RIPK1: variants seen among roughly 807,000 people sequenced by gnomAD.
RIPK1 encodes the protein receptor interacting serine/threonine kinase 1, also known as receptor-interacting serine/threonine-protein kinase 1.
Under a neutral mutation model 62.4 loss-of-function variants are expected in RIPK1, and 27 were observed. That is an observed-to-expected ratio of 0.43 (90% CI 0.32 to 0.60). RIPK1 has a LOEUF of 0.60. Ranked by LOEUF, RIPK1 falls within the 20% of genes least tolerant of loss-of-function variation. The pLI is 0.07. For synonymous variants in RIPK1, 287 were observed against 303.2 expected (o/e 0.95, Z 0.55); for missense variants, 735 against 831.0 (o/e 0.88, Z 1.42).
At chr6:3,099,499 G>C (rs963969401) in intron 7 of RIPK1, among the ~76,000 whole-genome samples, 1 of 152,158 alleles carries the variant, frequency 6.6e-6, no homozygotes, top group African/African-American at 2.4e-5. Flanking sequence ...AGCCGAGATG[G>C]AGCCACTGCA....
Position 3,072,368 on chromosome 6 carries a change from T to C in RIPK1, c.-61+3707T>C, listed in dbSNP as rs959221377. Among the ~76,000 whole-genome samples, 4 of 143,122 alleles carry C rather than the reference T, an allele frequency of 2.8e-5. No individual in the cohort carries two copies. Among genetic ancestry groups the C allele is most frequent in the African/African-American group, 8.0e-5 (3 of 37,706 alleles). The allele number at this position is 143,122 out of a possible 152,430, so 93.9% of individuals were successfully genotyped here. On this transcript the variant is annotated intron_variant, in intron 1 of 10. Coordinates refer to ENST00000259808, the MANE Select transcript of RIPK1 (RefSeq NM_001354930.2). The surrounding 1 kb of genome is among the most constrained non-coding windows in gnomAD (Gnocchi z 5.6). ...GGTGTCTTTATGTCTTTTTTATCTG[T>C]ACTTATATCTTTATCTATTTACATA...
At chr6:3,106,358 G>C (rs1030790501) in intron 9 of RIPK1, among the ~76,000 whole-genome samples, 2 of 152,218 alleles carry the variant, frequency 1.3e-5, no homozygotes, top group Non-Finnish European at 2.9e-5. Flanking sequence ...TGATAAATGG[G>C]AAGTTATCTG....
intron 4 of RIPK1, among the ~76,000 whole-genome samples, chr6:3,082,853 G>A (rs539892056): frequency 2.6e-5 from 4 of 152,158 alleles, no homozygotes; most frequent in Non-Finnish European, 5.9e-5. Context: ...TAAGGAATAC[G>A]ATACCAGAAT....
upstream of RIPK1, among the ~76,000 whole-genome samples, chr6:3,064,226 C>A (rs1274759053): frequency 6.6e-6 from 1 of 151,734 alleles, no homozygotes; most frequent in Non-Finnish European, 1.5e-5. Flanking sequence ...TGTGGGGGGT[C>A]CCCTGCAGCG....
intron 7 of RIPK1, among the ~76,000 whole-genome samples, chr6:3,103,010 T>C (rs1178529195): frequency 6.6e-6 from 1 of 152,226 alleles, no homozygotes; most frequent in African/African-American, 2.4e-5. Flanking sequence ...CCAACACTTT[T>C]TATTTACCAT....
At chr6:3,098,108 A>G (rs879266766) in intron 7 of RIPK1, among the ~76,000 whole-genome samples, 1 of 152,154 alleles carries the variant, frequency 6.6e-6, no homozygotes, top group Non-Finnish European at 1.5e-5. Context: ...CTGAGATGAG[A>G]TGACTGCTTG....
At chr6:3,084,210 C>T (rs1280771545) in intron 5 of RIPK1, among the ~76,000 whole-genome samples, 1 of 152,202 alleles carries the variant, frequency 6.6e-6, no homozygotes, top group African/African-American at 2.4e-5. Flanking sequence ...ATTCATGTGG[C>T]AGCCAAAATG....
intron 7 of RIPK1, among the ~76,000 whole-genome samples, chr6:3,102,098 T>C (rs546301296): frequency 6.6e-6 from 1 of 152,224 alleles, no homozygotes; most frequent in African/African-American, 2.4e-5. Flanking sequence ...ATCTGTTTCA[T>C]AGCATGTATC....
Position 3,110,894 on chromosome 6 carries a change from A to G in RIPK1, c.1668A>G (p.Leu556=). 6.2e-7 allele frequency: 1 copy of G among 1,612,928 alleles called. No individual in the cohort carries two copies. Among genetic ancestry groups the G allele is most frequent in the Non-Finnish European group, 8.5e-7 (1 of 1,179,010 alleles). Residue 556 remains leucine, a synonymous_variant, in exon 10 of 11, where the codon CTA becomes CTG. Transcript: ENST00000259808. ...AGATTGGTGGGACGAGTTCATCACT[A>G]CTAGACAGCACAAATACGAACTTCA... ...YMEIGGTSSS[L]LDSTNTNFKE... is the part of the protein sequence containing the mutation.
chr6:3,075,122 G>A (rs1266279481), intron 1 of RIPK1, among the ~76,000 whole-genome samples: 3 of 152,176 alleles, frequency 2.0e-5, no homozygotes, highest in Non-Finnish European at 4.4e-5. Flanking sequence ...TTGCCACGAA[G>A]CTTTTTGCCA....
Position 3,072,703 on chromosome 6 carries a change from T to C in RIPK1, c.-61+4042T>C, listed in dbSNP as rs961261155. 3.9e-5 allele frequency among the ~76,000 whole-genome samples: 6 copies of C among 152,156 alleles called. No individual in the cohort carries two copies. The highest frequency in any genetic ancestry group is 7.3e-5 in the Non-Finnish European group (5 of 68,038). On this transcript the variant is annotated intron_variant, in intron 1 of 10. Transcript: ENST00000259808. This position sits in a 1 kb window ranked among gnomAD's most constrained non-coding sequence, Gnocchi z 5.6. ...GTACTGTCTTACCTATGGAAGTGTC[T>C]AATGGGAAGACTTAGGATGGCTTCC...
chr6:3,076,070 T>C (rs1458516581), intron 1 of RIPK1, among the ~76,000 whole-genome samples: 1 of 152,214 alleles, frequency 6.6e-6, no homozygotes, highest in Non-Finnish European at 1.5e-5. Context: ...TGTGAGCTAC[T>C]GCCTGCCTCC....
Position 3,083,172 on chromosome 6 carries a change from G to A in RIPK1, c.547G>A (p.Ala183Thr), listed in dbSNP as rs780223601. Residue 183 changes from alanine to threonine, a missense_variant, in exon 5 of 11, where the codon GCT becomes ACT. Ala to Thr is a moderately conservative substitution (Grantham distance 58). This residue lies in a region of RIPK1 where 671 missense variants were observed against 726.2 expected (regional missense o/e 0.92). Transcript: ENST00000259808. ...TGAGCTGAGGGAAGTGGACGGCACC[G>A]CTAAGAAGAATGGCGGCACCCTCTA... Reference protein sequence around the residue: ...HNELREVDGTAKKNGGTLYYM... With the variant: ...HNELREVDGTTKKNGGTLYYM... 26 of 1,613,928 alleles carry A rather than the reference G, an allele frequency of 1.6e-5. No individual in the cohort carries two copies. Among genetic ancestry groups the A allele is most frequent in the Non-Finnish European group, 2.0e-5 (24 of 1,179,998 alleles).
At chr6:3,102,761 C>T (rs541088297) in intron 7 of RIPK1, among the ~76,000 whole-genome samples, 2 of 152,172 alleles carry the variant, frequency 1.3e-5, no homozygotes, top group East Asian at 1.9e-4. Flanking sequence ...CCACCACGCC[C>T]GGCTAGTTTT....
At chr6:3,110,709 T>C in intron 9 of RIPK1, 94 bp from the exon 10 acceptor site, 1 of 735,210 alleles carries the variant, frequency 1.4e-6, no homozygotes, top group Non-Finnish European at 2.2e-6. Context: ...ATTAACTTAA[T>C]GTTTGGCATA....
chr6:3,082,740 T>C (rs908774415), intron 4 of RIPK1, among the ~76,000 whole-genome samples: 21 of 152,174 alleles, frequency 1.4e-4, no homozygotes, highest in African/African-American at 5.1e-4. Context: ...CTAGAAATAG[T>C]TGAAAAACAT....
upstream of RIPK1, among the ~76,000 whole-genome samples, chr6:3,065,391 TG>T (rs1758339116): frequency 6.6e-6 from 1 of 151,578 alleles, no homozygotes; most frequent in Non-Finnish European, 1.5e-5. Context: ...CGTGGCGTTT[TG>T]GGGAGCACAG....
At chr6:3,065,087 G>GA (rs997222864), upstream of RIPK1, among the ~76,000 whole-genome samples, 3 of 150,938 alleles carry the variant, frequency 2.0e-5, no homozygotes, top group East Asian at 3.9e-4. Flanking sequence ...CTAAAAAAAA[G>GA]AAAAAAAAGA....
At chr6:3,100,591 G>GT (rs1380759550) in intron 7 of RIPK1, among the ~76,000 whole-genome samples, 3 of 151,916 alleles carry the variant, frequency 2.0e-5, no homozygotes, top group East Asian at 3.9e-4. Flanking sequence ...ATCTTTGGGG[G>GT]TTTTTTTGGT....
Sources: allele counts gnomAD v4.1 joint callset (sites outside exome capture counted in the v4.1 genomes callset), GRCh38; gene constraint gnomAD v4.1.1; regional missense constraint gnomAD v4.1.1; non-coding constraint Gnocchi (gnomAD v3.1); transcripts MANE v1.5; gene names NCBI Gene and HGNC (gene_info 2026-07-23, HGNC 2026-07-21).